NTNG1: variants seen among roughly 807,000 people sequenced by gnomAD.
The protein encoded by NTNG1 is netrin G1.
In NTNG1, 16 loss-of-function variants were observed where a neutral mutation model predicts 54.0. The ratio of observed to expected loss-of-function variants is 0.30; its 90% CI spans 0.20 to 0.45. The LOEUF (loss-of-function observed/expected upper bound fraction) is 0.45, where lower values mean the gene tolerates loss of function less well. Among genes scored for constraint, NTNG1 ranks in the 20% least tolerant of loss-of-function variants. The pLI, the probability that NTNG1 is intolerant of heterozygous loss-of-function variation, is 1.00. For synonymous variants in NTNG1, 255 were observed against 263.1 expected (o/e 0.97, Z 0.30); for missense variants, 530 against 678.7 (o/e 0.78, Z 2.43).
intron 2 of NTNG1, among the ~76,000 whole-genome samples, chr1:107,154,704 G>A (rs201976914): frequency 6.6e-6 from 1 of 150,420 alleles, no homozygotes; most frequent in African/African-American, 2.4e-5. Flanking sequence ...CTTCTATCTG[G>A]CAGATATAGC....
intron 7 of NTNG1, among the ~76,000 whole-genome samples, chr1:107,466,771 A>C (rs1196380853): frequency 1.3e-5 from 2 of 152,206 alleles, no homozygotes; most frequent in African/African-American, 2.4e-5. Context: ...TGGATCTGAA[A>C]GTCCCTGAAG....
chr1:107,190,604 G>A (rs113146981), intron 2 of NTNG1, among the ~76,000 whole-genome samples: 2,323 of 152,118 alleles, frequency 0.015, 51 homozygotes, highest in African/African-American at 0.053. Context: ...AGGCCCCGGT[G>A]TGTGATGTTC....
intron 3 of NTNG1, among the ~76,000 whole-genome samples, chr1:107,347,026 G>A (rs7555385): frequency 6.6e-6 from 1 of 151,090 alleles, no homozygotes; most frequent in African/African-American, 2.4e-5. Context: ...AAAGAACAAG[G>A]CAAAGCAAGC....
intron 2 of NTNG1, among the ~76,000 whole-genome samples, chr1:107,159,949 G>A (rs571333412): frequency 7.9e-5 from 12 of 152,248 alleles, no homozygotes; most frequent in East Asian, 7.7e-4. Flanking sequence ...CATAGAGAGC[G>A]GAGTACATAT....
At chr1:107,454,251 C>G (rs1157474638) in intron 7 of NTNG1, among the ~76,000 whole-genome samples, 1 of 152,152 alleles carries the variant, frequency 6.6e-6, no homozygotes, top group Non-Finnish European at 1.5e-5. Flanking sequence ...ATCTGTTTAT[C>G]ATTTATCAGG....
At chr1:107,354,461 T>TC (rs1169813805) in intron 3 of NTNG1, among the ~76,000 whole-genome samples, 2 of 81,654 alleles carry the variant, frequency 2.4e-5, no homozygotes, top group Non-Finnish European at 4.2e-5. Context: ...AAACTGAGAC[T>TC]CCATCTCAAA....
intron 2 of NTNG1, among the ~76,000 whole-genome samples, chr1:107,291,737 T>C (rs1051194272): frequency 6.6e-6 from 1 of 152,214 alleles, no homozygotes; most frequent in Admixed American, 6.5e-5. Context: ...TGAATAGTTA[T>C]ATTTAGTTGG....
At chr1:107,218,348 G>A (rs566750761) in intron 2 of NTNG1, among the ~76,000 whole-genome samples, 2 of 152,248 alleles carry the variant, frequency 1.3e-5, no homozygotes, top group Admixed American at 1.3e-4. Flanking sequence ...GAGTCTTTAT[G>A]TGTCAGGTGA....
intron 2 of NTNG1, among the ~76,000 whole-genome samples, chr1:107,154,397 G>T (rs1042528771): frequency 2.0e-5 from 3 of 151,682 alleles, no homozygotes; most frequent in Non-Finnish European, 4.4e-5. Flanking sequence ...TTGAGCCTAG[G>T]AGTTCAAGAC....
intron 2 of NTNG1, among the ~76,000 whole-genome samples, chr1:107,250,358 C>T (rs1662507600): frequency 6.6e-6 from 1 of 152,080 alleles, no homozygotes; most frequent in Non-Finnish European, 1.5e-5. Context: ...GAAGGCATGG[C>T]AGGTGTGCTC....
At chr1:107,272,410 C>T (rs551302784) in intron 2 of NTNG1, among the ~76,000 whole-genome samples, 1 of 152,172 alleles carries the variant, frequency 6.6e-6, no homozygotes, top group African/African-American at 2.4e-5. Flanking sequence ...TAGCTCTCTG[C>T]TGGGCTAATC....
chr1:107,399,230 A>G (rs769393373), intron 4 of NTNG1, among the ~76,000 whole-genome samples: 38 of 152,170 alleles, frequency 2.5e-4, no homozygotes, highest in Admixed American at 5.2e-4. Context: ...CCATTCAATA[A>G]CTTTCTATAA....
intron 3 of NTNG1, among the ~76,000 whole-genome samples, chr1:107,379,808 C>A (rs1159019372): frequency 1.3e-5 from 2 of 152,128 alleles, no homozygotes; most frequent in African/African-American, 4.8e-5. Context: ...AGTTAAGCAA[C>A]CTGCTAGCAG....
At chr1:107,171,671 G>A (rs891970618) in intron 2 of NTNG1, among the ~76,000 whole-genome samples, 22 of 152,186 alleles carry the variant, frequency 1.4e-4, no homozygotes, top group African/African-American at 4.3e-4. Context: ...ACTGCACACC[G>A]GCTGCATTTA....
intron 5 of NTNG1, among the ~76,000 whole-genome samples, chr1:107,413,331 T>C (rs1673965935): frequency 1.3e-5 from 2 of 151,870 alleles, no homozygotes; most frequent in African/African-American, 4.8e-5. Context: ...CACGGCTAAT[T>C]TTGTTTTTGG....
intron 2 of NTNG1, among the ~76,000 whole-genome samples, chr1:107,169,140 C>T (rs1656031942): frequency 6.6e-6 from 1 of 152,100 alleles, no homozygotes; most frequent in African/African-American, 2.4e-5. Context: ...AGGTTCCATT[C>T]TGATAATGAA....
intron 2 of NTNG1, among the ~76,000 whole-genome samples, chr1:107,265,146 T>A (rs1391779585): frequency 6.6e-6 from 1 of 152,208 alleles, no homozygotes; most frequent in Non-Finnish European, 1.5e-5. Context: ...TCTATCTCAG[T>A]TTCCTCTCTC....
At chr1:107,286,789 G>A (rs1310627048) in intron 2 of NTNG1, among the ~76,000 whole-genome samples, 1 of 152,054 alleles carries the variant, frequency 6.6e-6, no homozygotes, top group Non-Finnish European at 1.5e-5. Flanking sequence ...ATTAATTCCT[G>A]GTTGTTGGTG....
At chr1:107,259,576 G>A (rs114919531) in intron 2 of NTNG1, among the ~76,000 whole-genome samples, 170 of 152,226 alleles carry the variant, frequency 1.1e-3, no homozygotes, top group African/African-American at 3.9e-3. Context: ...TTTTTAGGTT[G>A]TTTCCCTCAA....
Sources: allele counts gnomAD v4.1 joint callset (sites outside exome capture counted in the v4.1 genomes callset), GRCh38; gene constraint gnomAD v4.1.1; transcripts MANE v1.5; gene names NCBI Gene and HGNC (gene_info 2026-07-23, HGNC 2026-07-21).